The following FOXP1 variants were observed in gnomAD, a reference collection of about 807,000 sequenced individuals.
The protein encoded by FOXP1 is forkhead box P1.
Under a neutral mutation model 98.2 loss-of-function variants are expected in FOXP1, and 15 were observed. The observed-to-expected ratio is 0.15, with a 90% CI of 0.10 to 0.24. The LOEUF is 0.24. Among genes scored for constraint, FOXP1 ranks in the 10% least tolerant of loss-of-function variants. The pLI, the probability that FOXP1 is intolerant of heterozygous loss-of-function variation, is 1.00. For missense variants in FOXP1, 633 were observed against 848.5 expected (o/e 0.75, Z 3.15); for synonymous variants, 371 against 314.5 (o/e 1.18, Z -1.90).
Position 71,394,839 on chromosome 3 carries a change from G to A in FOXP1, c.-167-35595C>T, listed in dbSNP as rs185962624. Among the ~76,000 whole-genome samples the A allele has an allele frequency of 5.9e-3, 897 of 152,128 alleles. 7 individuals carry two copies. Among genetic ancestry groups the A allele is most frequent in the African/African-American group, 0.02 (843 of 41,496 alleles). ...CTGGAGGCTGGGCGCGGTGGCTAAC[G>A]CCTGTAATCCCAGCACTTTGGGAGG... On this transcript the variant is annotated intron_variant, in intron 3 of 20. Coordinates refer to ENST00000649528, the MANE Select transcript of FOXP1 (RefSeq NM_001349338.3).
At chr3:71,331,722 TA>T (rs1211798322) in intron 4 of FOXP1, among the ~76,000 whole-genome samples, 1 of 151,846 alleles carries the variant, frequency 6.6e-6, no homozygotes, top group African/African-American at 2.4e-5. Context: ...TGCATCTAGT[TA>T]ATCTGGTGGA....
At chr3:71,245,000 G>A (rs1303919201) in intron 5 of FOXP1, 1 of 152,112 alleles carries the variant, frequency 6.6e-6, no homozygotes, top group Non-Finnish European at 1.5e-5. Flanking sequence ...AAAGGCAGTG[G>A]CTTACATTTC....
chr3:71,425,169 G>A (rs1003562433), intron 3 of FOXP1, among the ~76,000 whole-genome samples: 1 of 152,050 alleles, frequency 6.6e-6, no homozygotes, highest in East Asian at 1.9e-4. Flanking sequence ...AGGCTGGAGT[G>A]CAGTGGCACA....
At chr3:71,192,384 C>G (rs997464146) in intron 6 of FOXP1, among the ~76,000 whole-genome samples, 11 of 152,112 alleles carry the variant, frequency 7.2e-5, no homozygotes, top group Non-Finnish European at 1.6e-4. Context: ...ATATGGTGCC[C>G]CAGAGGCCTA....
chr3:70,979,279 CAAAAAAAAAAAAAAAAA>C (rs544916383), intron 14 of FOXP1, among the ~76,000 whole-genome samples: 36 of 42,558 alleles, frequency 8.5e-4, no homozygotes, highest in East Asian at 5.1e-3. Context: ...GACTCTACCT[CAAAAAAAAAAAAAAAAA>C]AAAAAAAAAA....
chr3:71,024,654 C>G (rs2045884102), intron 11 of FOXP1, among the ~76,000 whole-genome samples: 2 of 152,166 alleles, frequency 1.3e-5, no homozygotes, highest in African/African-American at 2.4e-5. Context: ...GAGGATTTCA[C>G]ATTCCCATGT....
Position 71,133,750 on chromosome 3 carries a change from T to C in FOXP1, c.181-21113A>G, listed in dbSNP as rs531396500. ...GCAACATCCTAAATACCAAGGTTAT[T>C]TGCTTGACTCTTGGAGTTGAGTACA... On this transcript the variant is annotated intron_variant, in intron 6 of 20. Coordinates refer to ENST00000649528, the MANE Select transcript of FOXP1 (RefSeq NM_001349338.3). 3.3e-5 allele frequency among the ~76,000 whole-genome samples: 5 copies of C among 152,296 alleles called. No individual in the cohort carries two copies. The East Asian group carries it at 5.8e-4, about 18-fold the overall frequency.
chr3:71,275,537 AT>A (rs2070794708), intron 5 of FOXP1, among the ~76,000 whole-genome samples: 1 of 152,096 alleles, frequency 6.6e-6, no homozygotes, highest in East Asian at 1.9e-4. Context: ...ACTTTTCTTA[AT>A]TTGTTTTGTT....
intron 12 of FOXP1, among the ~76,000 whole-genome samples, chr3:71,005,695 C>T (rs1201001477): frequency 6.6e-6 from 1 of 151,890 alleles, no homozygotes; most frequent in Non-Finnish European, 1.5e-5. Context: ...ATGGAAGAAG[C>T]GCATAAAAAG....
chr3:71,137,721 C>T (rs4677530), intron 6 of FOXP1, among the ~76,000 whole-genome samples: 129,492 of 151,988 alleles, frequency 0.85, 58,561 homozygotes, highest in Non-Finnish European at 0.99. Flanking sequence ...CAATAACATC[C>T]GAATGCATCT....
chr3:71,244,519 G>C (rs1424308467), intron 5 of FOXP1, among the ~76,000 whole-genome samples: 1 of 137,630 alleles, frequency 7.3e-6, no homozygotes, highest in Non-Finnish European at 1.6e-5. Context: ...AAAAAAAATA[G>C]AAGAAGAAAA....
intron 2 of FOXP1, among the ~76,000 whole-genome samples, chr3:71,577,208 T>C (rs976638088): frequency 6.6e-6 from 1 of 152,198 alleles, no homozygotes; most frequent in African/African-American, 2.4e-5. Context: ...ACTGTCTAAT[T>C]GTCTTTCCTG....
At chr3:71,566,855 G>T (rs529683163) in intron 2 of FOXP1, among the ~76,000 whole-genome samples, 12 of 152,218 alleles carry the variant, frequency 7.9e-5, no homozygotes, top group Admixed American at 2.6e-4. Flanking sequence ...GTCTCCTTGA[G>T]CCTGGGCCCT....
At chr3:71,025,505 T>C (rs915607392) in intron 11 of FOXP1, among the ~76,000 whole-genome samples, 5 of 152,156 alleles carry the variant, frequency 3.3e-5, no homozygotes, top group Admixed American at 1.3e-4. Context: ...TGGATGGACA[T>C]AGATAAATAT....
At chr3:71,214,380 C>T (rs1402054507) in intron 5 of FOXP1, among the ~76,000 whole-genome samples, 1 of 152,174 alleles carries the variant, frequency 6.6e-6, no homozygotes, top group Non-Finnish European at 1.5e-5. Flanking sequence ...CAGGTACCAA[C>T]AGTGGGGCCA....
chr3:71,367,445 C>T (rs1440343597), intron 3 of FOXP1, among the ~76,000 whole-genome samples: 1 of 152,114 alleles, frequency 6.6e-6, no homozygotes, highest in Non-Finnish European at 1.5e-5. Flanking sequence ...ATGACCTGAC[C>T]CCTGTTGACC....
intron 5 of FOXP1, among the ~76,000 whole-genome samples, chr3:71,233,915 T>C (rs1372324014): frequency 6.6e-6 from 1 of 152,176 alleles, no homozygotes; most frequent in Non-Finnish European, 1.5e-5. Context: ...CAGAGAAATT[T>C]TGCTCTTTCT....
Position 71,429,116 on chromosome 3 carries a change from G to C in FOXP1, c.-168+64310C>G, listed in dbSNP as rs367909500. On this transcript the variant is annotated intron_variant, in intron 3 of 20. Coordinates refer to ENST00000649528, the MANE Select transcript of FOXP1 (RefSeq NM_001349338.3). Reference sequence around the variant, plus strand: ...AGGCTGGGGACGAGAAGGTGGATGGGAGTTCCGGCTTCATGCAGGCTGCCC... The same window carrying C: ...AGGCTGGGGACGAGAAGGTGGATGGCAGTTCCGGCTTCATGCAGGCTGCCC... 9.2e-5 allele frequency among the ~76,000 whole-genome samples: 14 copies of C among 152,262 alleles called. No individual in the cohort carries two copies. The East Asian group carries it at 2.5e-3, about 27-fold the overall frequency.
intron 11 of FOXP1, among the ~76,000 whole-genome samples, chr3:71,027,569 G>A (rs2046296862): frequency 6.6e-6 from 1 of 152,108 alleles, no homozygotes; most frequent in South Asian, 2.1e-4. Context: ...TAATTCAGCA[G>A]ATTTAATTAA....
Sources: allele counts gnomAD v4.1 joint callset (sites outside exome capture counted in the v4.1 genomes callset), GRCh38; gene constraint gnomAD v4.1.1; transcripts MANE v1.5; gene names NCBI Gene and HGNC (gene_info 2026-07-23, HGNC 2026-07-21).